PHF21A: variants seen among roughly 807,000 people sequenced by gnomAD.
PHF21A encodes PHD finger protein 21A.
Under a neutral mutation model 82.5 loss-of-function variants are expected in PHF21A, and 11 were observed. That is an observed-to-expected ratio of 0.13 (90% CI 0.08 to 0.22). The LOEUF (loss-of-function observed/expected upper bound fraction) is 0.22. Ranked by LOEUF, PHF21A falls within the 10% of genes least tolerant of loss-of-function variation. The pLI is 1.00. For missense variants in PHF21A, 579 were observed against 837.8 expected (o/e 0.69, Z 3.81); for synonymous variants, 297 against 302.8 (o/e 0.98, Z 0.20).
chr11:46,010,534 G>A (rs539670752), intron 6 of PHF21A, among the ~76,000 whole-genome samples: 6 of 152,194 alleles, frequency 3.9e-5, no homozygotes, highest in Admixed American at 3.9e-4. Context: ...TTTGGGAATA[G>A]TGGTATGAAT....
chr11:45,988,836 A>G (rs1237403374), intron 6 of PHF21A, among the ~76,000 whole-genome samples: 1 of 152,200 alleles, frequency 6.6e-6, no homozygotes, highest in Non-Finnish European at 1.5e-5. Context: ...GGTTGCAGTG[A>G]GCCATGATCC....
At chr11:45,955,528 C>G (rs532505310) in intron 10 of PHF21A, among the ~76,000 whole-genome samples, 1 of 152,168 alleles carries the variant, frequency 6.6e-6, no homozygotes, top group South Asian at 2.1e-4. Context: ...GAGTCTCTTA[C>G]TTCCATTTCT....
At chr11:46,106,359 A>T (rs2097152362) in intron 1 of PHF21A, among the ~76,000 whole-genome samples, 1 of 152,212 alleles carries the variant, frequency 6.6e-6, no homozygotes, top group Non-Finnish European at 1.5e-5. Context: ...AGCAATAATT[A>T]CAATATGTTT....
intron 6 of PHF21A, among the ~76,000 whole-genome samples, chr11:45,989,087 G>A (rs1455096396): frequency 6.6e-6 from 1 of 152,126 alleles, no homozygotes; most frequent in Non-Finnish European, 1.5e-5. Context: ...TTCCTCACAA[G>A]TGCAGCCTGC....
intron 10 of PHF21A, among the ~76,000 whole-genome samples, chr11:45,958,449 T>TATATATATAC (rs780397923): frequency 6.6e-5 from 1 of 15,080 alleles, no homozygotes; most frequent in Non-Finnish European, 1.3e-4. Context: ...TATATATATA[T>TATATATATAC]ACACACACAC....
At chr11:46,055,573 C>T (rs530423968) in intron 6 of PHF21A, among the ~76,000 whole-genome samples, 15 of 152,232 alleles carry the variant, frequency 9.9e-5, no homozygotes, top group Admixed American at 5.2e-4. Context: ...CTTTCCAATT[C>T]CCTAGAGCAG....
intron 9 of PHF21A, among the ~76,000 whole-genome samples, chr11:45,968,931 C>CA (rs59583388): frequency 0.017 from 1,443 of 85,442 alleles, 59 homozygotes; most frequent in Non-Finnish European, 0.026. Flanking sequence ...AACTCCATTG[C>CA]AAAAAAAAAA....
chr11:46,087,959 G>T (rs1315868154), intron 3 of PHF21A, among the ~76,000 whole-genome samples: 1 of 152,004 alleles, frequency 6.6e-6, no homozygotes, highest in Non-Finnish European at 1.5e-5. Context: ...GTTTCGCCAT[G>T]TTGCCTAGGC....
intron 3 of PHF21A, among the ~76,000 whole-genome samples, chr11:46,090,136 C>T (rs1176542509): frequency 6.6e-6 from 1 of 151,338 alleles, no homozygotes; most frequent in Non-Finnish European, 1.5e-5. Flanking sequence ...TTAAAATACA[C>T]AGAAATTGAA....
chr11:46,064,508 T>G (rs77425178), intron 6 of PHF21A, among the ~76,000 whole-genome samples: 3,312 of 152,194 alleles, frequency 0.022, 107 homozygotes, highest in African/African-American at 0.074. Context: ...TGGGAGTAAA[T>G]CAACTTTGGG....
intron 6 of PHF21A, among the ~76,000 whole-genome samples, chr11:45,991,559 C>T (rs1169762098): frequency 6.6e-6 from 1 of 151,670 alleles, no homozygotes; most frequent in Non-Finnish European, 1.5e-5. Flanking sequence ...TAAGCTTATA[C>T]ACACACACAC....
intron 3 of PHF21A, among the ~76,000 whole-genome samples, chr11:46,088,508 T>C (rs750468836): frequency 1.3e-5 from 2 of 152,150 alleles, no homozygotes; most frequent in South Asian, 2.1e-4. Context: ...AGGTCAGCCA[T>C]GGTATCTGGA....
At chr11:46,025,815 G>A (rs1337960038) in intron 6 of PHF21A, among the ~76,000 whole-genome samples, 1 of 152,144 alleles carries the variant, frequency 6.6e-6, no homozygotes, top group African/African-American at 2.4e-5. Flanking sequence ...ATAAGACAGA[G>A]TCATCGGCAG....
chr11:45,938,344 G>T lies in PHF21A; in HGVS notation c.1453-32C>A, dbSNP rs529904849. 18 of 1,572,608 alleles carry T rather than the reference G, an allele frequency of 1.1e-5. No individual in the cohort carries two copies. The African/African-American group carries it at 1.8e-4, about 15-fold the overall frequency. On this transcript the variant is annotated intron_variant, in intron 15 of 18. Transcript: ENST00000676320. ...AGTTGAGAGGAAAGGTAAGAAAAAGGACAAAAAAGGTAAAATTTTAATGTT... is the reference window on the plus strand; with the variant it reads ...AGTTGAGAGGAAAGGTAAGAAAAAGTACAAAAAAGGTAAAATTTTAATGTT...
chr11:45,975,268 T>G (rs915215794), intron 7 of PHF21A, among the ~76,000 whole-genome samples: 3 of 151,458 alleles, frequency 2.0e-5, no homozygotes, highest in Non-Finnish European at 4.4e-5. Context: ...GAACCGTAAT[T>G]GCACCATTGC....
At chr11:46,119,195 C>A (rs1026914378) in intron 1 of PHF21A, among the ~76,000 whole-genome samples, 2 of 152,086 alleles carry the variant, frequency 1.3e-5, no homozygotes, top group Non-Finnish European at 2.9e-5. Flanking sequence ...GTTCTTCCCT[C>A]TCTAACTTTC....
intron 1 of PHF21A, among the ~76,000 whole-genome samples, chr11:46,105,101 AG>A (rs1173072488): frequency 6.6e-6 from 1 of 152,168 alleles, no homozygotes; most frequent in East Asian, 1.9e-4. Context: ...CAAATTTTAC[AG>A]GTGAAGAAAC....
intron 1 of PHF21A, among the ~76,000 whole-genome samples, chr11:46,105,800 T>C (rs1024656837): frequency 1.3e-5 from 2 of 152,180 alleles, no homozygotes; most frequent in Non-Finnish European, 2.9e-5. Context: ...TACCTTCTTA[T>C]CATAAATGTG....
chr11:45,940,353 G>A (rs555698425), intron 15 of PHF21A, among the ~76,000 whole-genome samples: 6 of 151,992 alleles, frequency 3.9e-5, no homozygotes, highest in Admixed American at 2.0e-4. Context: ...CCACCACCAC[G>A]CCTGACTAAC....
Sources: gnomAD v4.1 joint callset for allele counts (sites outside exome capture counted in the v4.1 genomes callset) on GRCh38, gnomAD v4.1.1 for gene constraint, MANE v1.5 for transcripts, NCBI Gene and HGNC (gene_info 2026-07-23, HGNC 2026-07-21) for gene names.